The following TMEM273 variants were observed in gnomAD, a reference collection of about 807,000 sequenced individuals.
TMEM273 encodes the protein transmembrane protein 273.
A neutral mutation model predicts 17.9 loss-of-function variants in TMEM273; 19 were observed. The ratio of observed to expected loss-of-function variants is 1.06; its 90% confidence interval spans 0.74 to 1.55. The LOEUF (loss-of-function observed/expected upper bound fraction) is 1.55, where lower values mean the gene tolerates loss of function less well. Ranked by LOEUF, TMEM273 falls within the 40% of genes most tolerant of loss-of-function variation. The pLI is 0.00. For synonymous variants in TMEM273, 66 were observed against 62.0 expected, an observed-to-expected ratio of 1.07 and a Z score of -0.31; for missense variants, 194 against 155.6, an observed-to-expected ratio of 1.25 and a Z score of -1.31.
rs1554850128 is a variant in TMEM273 at position 49,186,097 on chromosome 10, A to AAGAAGG, written c.43+2196_43+2197insCCTTCT. Among the ~76,000 whole-genome samples, 152 of 117,144 alleles carry AAGAAGG rather than the reference A, an allele frequency of 1.3e-3. 2 individuals carry two copies. Among genetic ancestry groups the AAGAAGG allele is most frequent in the East Asian group, 3.8e-3 (9 of 2,380 alleles). 76.9% of individuals were successfully genotyped at this position (117,144 alleles called of 152,430 possible). On this transcript the variant is annotated intron_variant, in intron 1 of 6. Transcript: ENST00000374153. ...GAAGAAGAAGAAGAAGAAGAAGAAGAAGAAGAAGAAGAGGAAGAAGAAGAA... is the reference window on the plus strand; with the variant it reads ...GAAGAAGAAGAAGAAGAAGAAGAAGAAGAAGGAGAAGAAGAAGAGGAAGAAGAAGAA...
chr10:49,181,821 G>GA (rs926664727), intron 1 of TMEM273, among the ~76,000 whole-genome samples: 1 of 133,300 alleles, frequency 7.5e-6, no homozygotes, highest in South Asian at 2.8e-4. Flanking sequence ...CACAGTCCAC[G>GA]AAAAAAAAGA....
intron 1 of TMEM273, among the ~76,000 whole-genome samples, chr10:49,179,423 GGCCTCTAGAATCAGGA>G (rs754674665): frequency 1.3e-5 from 2 of 152,110 alleles, no homozygotes; most frequent in Non-Finnish European, 2.9e-5. Flanking sequence ...TCCCTTCAGG[GGCCTCTAGAATCAGGA>G]CTGTGTGTCT....
chr10:49,154,915 T>C lies in TMEM273; in HGVS notation c.*977A>G, dbSNP rs1419979188. ...CAACACAGCACTTTGTTCTGAAATA[T>C]AGCTCATCTTTCATCACACACAAGG... On this transcript the variant is annotated 3_prime_UTR_variant, in exon 7 of 7. Coordinates refer to ENST00000374153, the MANE Select transcript of TMEM273 (RefSeq NM_001288740.3). The C allele has an allele frequency of 6.6e-6, 1 of 152,238 alleles. No homozygotes were observed. Among genetic ancestry groups the C allele is most frequent in the African/African-American group, 2.4e-5 (1 of 41,460 alleles). The allele number at this position is 152,238 out of a possible 1,614,324, so 9.4% of individuals were successfully genotyped here.
chr10:49,187,600 C>T (rs1021474362), intron 1 of TMEM273, among the ~76,000 whole-genome samples: 1 of 152,174 alleles, frequency 6.6e-6, no homozygotes, highest in Admixed American at 6.5e-5. Context: ...ATGCATATTT[C>T]TAACCATCTC....
intron 6 of TMEM273, 150 bp downstream of exon 6, chr10:49,161,449 C>T: frequency 1.1e-6 from 1 of 882,114 alleles, no homozygotes; most frequent in Non-Finnish European, 1.9e-6. Flanking sequence ...GGTCTCACAG[C>T]TGTCCTGGCA....
At chr10:49,172,499 G>A (rs1846641326) in intron 1 of TMEM273, among the ~76,000 whole-genome samples, 2 of 152,110 alleles carry the variant, frequency 1.3e-5, no homozygotes, top group African/African-American at 4.8e-5. Context: ...AGGCCCCACA[G>A]CCAGACCCCC....
At chr10:49,164,916 T>C (rs1846071517) in intron 5 of TMEM273, among the ~76,000 whole-genome samples, 1 of 152,048 alleles carries the variant, frequency 6.6e-6, no homozygotes, top group Non-Finnish European at 1.5e-5. Flanking sequence ...GTCCTACTTC[T>C]CTCTCCTTGA....
intron 1 of TMEM273, 39 bp from the exon 2 acceptor site, chr10:49,168,001 G>A: frequency 2.5e-6 from 4 of 1,612,428 alleles, no homozygotes; most frequent in Non-Finnish European, 3.4e-6. Context: ...TTAGAACAGA[G>A]CTGGCTGTGG....
chr10:49,187,800 G>C (rs1847817661), intron 1 of TMEM273, among the ~76,000 whole-genome samples: 1 of 152,206 alleles, frequency 6.6e-6, no homozygotes. Flanking sequence ...GAGTAGCAAA[G>C]AGTCTGCTTC....
At chr10:49,187,686 C>T (rs954357602) in intron 1 of TMEM273, among the ~76,000 whole-genome samples, 4 of 152,144 alleles carry the variant, frequency 2.6e-5, no homozygotes, top group Non-Finnish European at 2.9e-5. Flanking sequence ...CTTTATATTT[C>T]TCTCCTCCAT....
At chr10:49,170,995 G>C (rs1210502538) in intron 1 of TMEM273, among the ~76,000 whole-genome samples, 1 of 152,232 alleles carries the variant, frequency 6.6e-6, no homozygotes, top group East Asian at 1.9e-4. Flanking sequence ...GAGGTCTCTG[G>C]AGTGCCTCGG....
At chr10:49,158,808 G>T (rs1334953471) in intron 6 of TMEM273, among the ~76,000 whole-genome samples, 1 of 152,134 alleles carries the variant, frequency 6.6e-6, no homozygotes, top group African/African-American at 2.4e-5. Flanking sequence ...GAAAAAATTG[G>T]ATCTTAACTC....
intron 6 of TMEM273, chr10:49,156,182 T>A: frequency 6.7e-7 from 1 of 1,491,872 alleles, no homozygotes; most frequent in Non-Finnish European, 9.0e-7. Flanking sequence ...GAGAAGTCAT[T>A]CCTCGAGGTT....
At chr10:49,187,071 T>C (rs1847769961) in intron 1 of TMEM273, among the ~76,000 whole-genome samples, 2 of 152,248 alleles carry the variant, frequency 1.3e-5, no homozygotes, top group Non-Finnish European at 2.9e-5. Context: ...TTCCTTTTTT[T>C]GTACCAGGAC....
chr10:49,162,373 GC>G (rs765995625), intron 5 of TMEM273, among the ~76,000 whole-genome samples: 13 of 152,156 alleles, frequency 8.5e-5, no homozygotes, highest in Non-Finnish European at 1.5e-4. Context: ...ACATATGCGT[GC>G]GCACACACAC....
chr10:49,178,901 G>A (rs1381933853), intron 1 of TMEM273, among the ~76,000 whole-genome samples: 1 of 152,150 alleles, frequency 6.6e-6, no homozygotes, highest in Non-Finnish European at 1.5e-5. Context: ...AAAGCTCTGG[G>A]TGTCTGTGTG....
At chr10:49,168,305 G>A (rs1194646813) in intron 1 of TMEM273, among the ~76,000 whole-genome samples, 1 of 152,084 alleles carries the variant, frequency 6.6e-6, no homozygotes, top group Non-Finnish European at 1.5e-5. Flanking sequence ...CACACAGCCA[G>A]GGAATCTCCT....
intron 1 of TMEM273, among the ~76,000 whole-genome samples, chr10:49,187,688 C>T (rs1007242213): frequency 2.0e-5 from 3 of 152,166 alleles, no homozygotes; most frequent in African/African-American, 7.2e-5. Context: ...TTATATTTCT[C>T]TCCTCCATTT....
At chr10:49,172,556 T>G (rs1846647966) in intron 1 of TMEM273, among the ~76,000 whole-genome samples, 1 of 152,140 alleles carries the variant, frequency 6.6e-6, no homozygotes, top group African/African-American at 2.4e-5. Flanking sequence ...CCTTCGAGCC[T>G]CTCTGTGGGG....
Sources: gnomAD v4.1 joint callset for allele counts (sites outside exome capture counted in the v4.1 genomes callset) on GRCh38, gnomAD v4.1.1 for gene constraint, MANE v1.5 for transcripts, NCBI Gene and HGNC (gene_info 2026-07-23, HGNC 2026-07-21) for gene names.